ULK4: variants seen among roughly 807,000 people sequenced by gnomAD.
ULK4 encodes the protein unc-51 like kinase 4, also known as inactive serine/threonine-protein kinase ULK4.
A neutral mutation model predicts 160.6 loss-of-function variants in ULK4; 133 were observed. The observed-to-expected ratio is 0.83, with a 90% CI of 0.72 to 0.96. The LOEUF is 0.96. Ranked by LOEUF, ULK4 falls within the 40% of genes least tolerant of loss-of-function variation. The pLI, the probability that ULK4 is intolerant of heterozygous loss-of-function variation, is 0.00. For synonymous variants in ULK4, 534 were observed against 539.8 expected, an observed-to-expected ratio of 0.99 and a Z score of 0.15; for missense variants, 1,580 against 1,499.5, an observed-to-expected ratio of 1.05 and a Z score of -0.89.
chr3:41,908,983 C>T lies in ULK4; in HGVS notation c.1086-1042G>A, dbSNP rs891408405. The stretch of plus-strand genomic sequence containing the variant: ...TAGCAGGCACCTGTAATCCCAGCTA[C>T]TTGGGAGGCTGAGGCAGGAGGATCA... On this transcript the variant is annotated intron_variant, in intron 11 of 36. Transcript: ENST00000301831. Among the ~76,000 whole-genome samples, 4 of 150,744 alleles carry T rather than the reference C, an allele frequency of 2.7e-5. No homozygotes were observed. In the Admixed American group the frequency reaches 2.7e-4, roughly 10 times the overall value.
intron 35 of ULK4, among the ~76,000 whole-genome samples, chr3:41,357,360 G>A (rs146427086): frequency 4.6e-4 from 70 of 152,334 alleles, no homozygotes; most frequent in African/African-American, 1.7e-3. Flanking sequence ...GTCCAAGTCA[G>A]CAGCCTCGAT....
At chr3:41,440,115 T>C (rs2083129894) in intron 34 of ULK4, among the ~76,000 whole-genome samples, 1 of 152,232 alleles carries the variant, frequency 6.6e-6, no homozygotes, top group South Asian at 2.1e-4. Flanking sequence ...AATTGAATTT[T>C]CAACATAGAC....
chr3:41,353,434 G>C (rs1407696310), intron 35 of ULK4, among the ~76,000 whole-genome samples: 5 of 152,104 alleles, frequency 3.3e-5, no homozygotes, highest in Non-Finnish European at 7.4e-5. Flanking sequence ...TTTTGGGAAG[G>C]GGAGAGGATT....
At chr3:41,900,696 A>T (rs1698320454) in intron 13 of ULK4, 29 bp downstream of exon 13, 3 of 1,543,422 alleles carry the variant, frequency 1.9e-6, no homozygotes, top group Non-Finnish European at 2.7e-6. Context: ...TAAAGTCTAC[A>T]ACTCAGTTGT....
intron 16 of ULK4, among the ~76,000 whole-genome samples, chr3:41,892,945 C>T (rs1401825677): frequency 6.6e-6 from 1 of 152,220 alleles, no homozygotes; most frequent in Admixed American, 6.5e-5. Flanking sequence ...GACTGATCTC[C>T]CATCTCCTTA....
intron 35 of ULK4, among the ~76,000 whole-genome samples, chr3:41,356,939 A>G (rs1043021608): frequency 2.0e-5 from 3 of 152,218 alleles, no homozygotes; most frequent in Non-Finnish European, 4.4e-5. Context: ...TAGGTGAAAT[A>G]GAGAGGCTCA....
chr3:41,540,357 G>T (rs2086653231), intron 32 of ULK4, among the ~76,000 whole-genome samples: 1 of 152,256 alleles, frequency 6.6e-6, no homozygotes, highest in African/African-American at 2.4e-5. Context: ...TCCCTCCAAA[G>T]GACATGAACT....
intron 35 of ULK4, among the ~76,000 whole-genome samples, chr3:41,336,668 G>T (rs971478819): frequency 1.1e-4 from 17 of 152,174 alleles, no homozygotes; most frequent in African/African-American, 3.9e-4. Context: ...CGTGGTGTGT[G>T]TCTTTGGCCA....
chr3:41,523,363 A>G (rs577147041), intron 32 of ULK4, among the ~76,000 whole-genome samples: 23 of 152,220 alleles, frequency 1.5e-4, no homozygotes, highest in Non-Finnish European at 2.5e-4. Flanking sequence ...CATATGTTAC[A>G]GGGCATTCTG....
At chr3:41,420,475 CTTTTTTT>C (rs1165381982) in intron 34 of ULK4, among the ~76,000 whole-genome samples, 5 of 41,178 alleles carry the variant, frequency 1.2e-4, no homozygotes, top group Admixed American at 4.9e-4. Flanking sequence ...CCAGTTCTTT[CTTTTTTT>C]TTTTTTTTTT....
At chr3:41,379,823 T>C (rs2081606474) in intron 35 of ULK4, among the ~76,000 whole-genome samples, 1 of 152,212 alleles carries the variant, frequency 6.6e-6, no homozygotes, top group African/African-American at 2.4e-5. Context: ...AAGAAGAAAC[T>C]ATGCATGCAT....
intron 21 of ULK4, among the ~76,000 whole-genome samples, chr3:41,779,988 A>T (rs1490895442): frequency 2.2e-4 from 24 of 111,562 alleles, no homozygotes; most frequent in African/African-American, 7.2e-4. Context: ...AGTATAATAA[A>T]AAAAAAAAAA....
Position 41,615,814 on chromosome 3 carries a change from C to G in ULK4, c.3072-97G>C, listed in dbSNP as rs776847649. ...GCACCTCAGCCCCCATGTTTTATTG[C>G]TAAAATTCCATGATAAGAAATAGTA... On this transcript the variant is annotated intron_variant, in intron 30 of 36. Transcript: ENST00000301831. 3.3e-5 allele frequency: 35 copies of G among 1,053,200 alleles called. 1 individual carries two copies. In the South Asian group the frequency reaches 4.2e-4, roughly 13 times the overall value. 65.2% of individuals were successfully genotyped at this position (1,053,200 alleles called of 1,614,324 possible).
At chr3:41,753,210 C>A (rs2038687463) in intron 22 of ULK4, among the ~76,000 whole-genome samples, 1 of 152,100 alleles carries the variant, frequency 6.6e-6, no homozygotes, top group African/African-American at 2.4e-5. Flanking sequence ...CAGAGTAAGA[C>A]CCTGTCTCCA....
chr3:41,359,703 C>A (rs1186467156), intron 35 of ULK4, among the ~76,000 whole-genome samples: 1 of 152,158 alleles, frequency 6.6e-6, no homozygotes, highest in Non-Finnish European at 1.5e-5. Context: ...CAGAGTTAGA[C>A]AGGAATGTGG....
At chr3:41,475,931 AG>A (rs1261111956) in intron 32 of ULK4, among the ~76,000 whole-genome samples, 1 of 147,434 alleles carries the variant, frequency 6.8e-6, no homozygotes, top group East Asian at 2.1e-4. Flanking sequence ...GAAGGAGCGA[AG>A]GAAGGAGGGA....
chr3:41,296,534 A>C lies in ULK4; in HGVS notation c.3679-46960T>G, dbSNP rs550691225. ...AACAGGCAAGAAAACTCTGCCCACC[A>C]GGTGAGAACTCTGTAGGGAGGCTGC... On this transcript the variant is annotated intron_variant, in intron 35 of 36. Transcript: ENST00000301831. Among the ~76,000 whole-genome samples, 4 of 152,322 alleles carry C rather than the reference A, an allele frequency of 2.6e-5. No homozygotes were observed. The South Asian group carries it at 8.3e-4, about 32-fold the overall frequency.
chr3:41,495,580 G>C (rs2084956458), intron 32 of ULK4, among the ~76,000 whole-genome samples: 1 of 150,618 alleles, frequency 6.6e-6, no homozygotes, highest in African/African-American at 2.4e-5. Context: ...TGACAAATGG[G>C]ATCTAATTGA....
At chr3:41,740,995 C>T (rs751754791) in intron 22 of ULK4, among the ~76,000 whole-genome samples, 23 of 151,926 alleles carry the variant, frequency 1.5e-4, no homozygotes, top group Admixed American at 5.2e-4. Flanking sequence ...GCTGCCTATT[C>T]GTTTCTGACA....
Sources: gnomAD v4.1 joint callset for allele counts (sites outside exome capture counted in the v4.1 genomes callset) on GRCh38, gnomAD v4.1.1 for gene constraint, MANE v1.5 for transcripts, NCBI Gene and HGNC (gene_info 2026-07-23, HGNC 2026-07-21) for gene names.